The following RNLS variants were observed in gnomAD, a reference collection of about 807,000 sequenced individuals.
RNLS encodes the protein renalase, FAD dependent amine oxidase.
In RNLS, 39 loss-of-function variants were observed where a neutral mutation model predicts 39.8. The ratio of observed to expected loss-of-function variants is 0.98; its 90% CI spans 0.76 to 1.28. The LOEUF is 1.28. RNLS is among the 50% of genes most tolerant of loss of function. The probability of loss-of-function intolerance (pLI) is 0.00; values close to 1 mark genes in which losing one functional copy is unlikely to be tolerated. For synonymous variants in RNLS, 147 were observed against 150.7 expected, an observed-to-expected ratio of 0.98 and a Z score of 0.18; for missense variants, 410 against 413.3, an observed-to-expected ratio of 0.99 and a Z score of 0.07.
At chr10:88,562,055 G>A (rs1849224168) in intron 4 of RNLS, among the ~76,000 whole-genome samples, 1 of 140,650 alleles carries the variant, frequency 7.1e-6, no homozygotes, top group Non-Finnish European at 1.5e-5. Context: ...GTCCTGATGA[G>A]TATATAGGCA....
At position 88,485,576 on chromosome 10, in the gene RNLS, C is replaced by T. The variant is rs183543312; in HGVS notation, c.526+87327G>A. 6.6e-4 allele frequency among the ~76,000 whole-genome samples: 99 copies of T among 149,746 alleles called. 1 individual carries two copies. The South Asian group carries it at 7.2e-3, about 11-fold the overall frequency. ...AAAGAATTACTCCAATATTGCCATA[C>T]CAGATCACTCTTCTTTTTAGTTGTG... is the stretch of plus-strand genomic sequence containing the variant. On this transcript the variant is annotated intron_variant, in intron 4 of 6. Transcript: ENST00000331772.
chr10:88,241,438 A>T, the RNLS span, among the ~76,000 whole-genome samples: 1 of 152,202 alleles, frequency 6.6e-6, no homozygotes, highest in African/African-American at 2.4e-5. Flanking sequence ...ATATTGGCCT[A>T]AAGTTGTTCA....
chr10:88,306,336 C>A (rs76862938), intron 6 of RNLS, among the ~76,000 whole-genome samples: 1,983 of 152,070 alleles, frequency 0.013, 27 homozygotes, highest in South Asian at 0.049. Flanking sequence ...CAGTGCTGAA[C>A]TGAAAGAGAT....
At chr10:88,364,873 T>G (rs1449132487) in intron 4 of RNLS, among the ~76,000 whole-genome samples, 2 of 152,134 alleles carry the variant, frequency 1.3e-5, no homozygotes, top group African/African-American at 4.8e-5. Context: ...TGCTAGCAGC[T>G]GAGCACATAA....
chr10:88,575,159 T>TATATATATACACACAC (rs1386414416), intron 3 of RNLS, among the ~76,000 whole-genome samples: 1 of 43,388 alleles, frequency 2.3e-5, no homozygotes, highest in African/African-American at 8.7e-5. Context: ...TATATATATA[T>TATATATATACACACAC]ACACACACAC....
chr10:88,345,228 C>T (rs1848229127), intron 5 of RNLS, among the ~76,000 whole-genome samples: 1 of 152,074 alleles, frequency 6.6e-6, no homozygotes, highest in East Asian at 1.9e-4. Flanking sequence ...AAGTGATTTC[C>T]TGTGGTGAGA....
At position 88,354,015 on chromosome 10, in the gene RNLS, A is replaced by T. The variant is rs538976124; in HGVS notation, c.700+8537T>A. Among the ~76,000 whole-genome samples the T allele has an allele frequency of 1.1e-4, 16 of 152,298 alleles. No individual in the cohort carries two copies. The East Asian group carries it at 3.1e-3, about 29-fold the overall frequency. ...TTGTTGGTTTAAAGTCTGTTTTATCAGAGACTAGGATTGCAACCCCTGCCT... is the reference window on the plus strand; with the variant it reads ...TTGTTGGTTTAAAGTCTGTTTTATCTGAGACTAGGATTGCAACCCCTGCCT... On this transcript the variant is annotated intron_variant, in intron 5 of 6. Coordinates refer to ENST00000331772, the MANE Select transcript of RNLS (RefSeq NM_001031709.3).
At chr10:88,301,825 A>G (rs569289178) in intron 6 of RNLS, among the ~76,000 whole-genome samples, 1 of 152,212 alleles carries the variant, frequency 6.6e-6, no homozygotes, top group Non-Finnish European at 1.5e-5. Context: ...AGAGAAGAGA[A>G]AAGAGATAAA....
At chr10:88,480,487 C>G (rs1466674813) in intron 4 of RNLS, among the ~76,000 whole-genome samples, 1 of 152,168 alleles carries the variant, frequency 6.6e-6, no homozygotes, top group Non-Finnish European at 1.5e-5. Flanking sequence ...AATGGTGCAA[C>G]CTTGGCTCAC....
chr10:88,299,211 A>C (rs1844324910), intron 6 of RNLS, among the ~76,000 whole-genome samples: 2 of 152,186 alleles, frequency 1.3e-5, no homozygotes. Flanking sequence ...ATTTTCTCCA[A>C]GTCTGTGGCT....
chr10:88,466,860 A>G (rs1163907636), intron 4 of RNLS, among the ~76,000 whole-genome samples: 1 of 152,198 alleles, frequency 6.6e-6, no homozygotes, highest in Non-Finnish European at 1.5e-5. Flanking sequence ...TGGATGCTTC[A>G]TTCTTTTTAA....
At chr10:88,537,679 G>A (rs754044046) in intron 4 of RNLS, among the ~76,000 whole-genome samples, 1 of 152,210 alleles carries the variant, frequency 6.6e-6, no homozygotes, top group South Asian at 2.1e-4. Flanking sequence ...CAGAAGTCTG[G>A]GTAATGGCTA....
At chr10:88,414,610 A>G (rs540422790) in intron 4 of RNLS, among the ~76,000 whole-genome samples, 2 of 152,300 alleles carry the variant, frequency 1.3e-5, no homozygotes, top group African/African-American at 2.4e-5. Context: ...GGCCCTTTTG[A>G]AGTTAACAAT....
chr10:88,354,169 A>C (rs1848956639), intron 5 of RNLS, among the ~76,000 whole-genome samples: 1 of 152,138 alleles, frequency 6.6e-6, no homozygotes, highest in Non-Finnish European at 1.5e-5. Flanking sequence ...CTCTTTATCC[A>C]ATTTGCCAGT....
At chr10:88,360,636 T>C (rs543042819) in intron 5 of RNLS, among the ~76,000 whole-genome samples, 1 of 152,000 alleles carries the variant, frequency 6.6e-6, no homozygotes, top group Non-Finnish European at 1.5e-5. Flanking sequence ...TAGGGTTTCA[T>C]TACATTGGCC....
chr10:88,401,639 T>C (rs1365830163), intron 4 of RNLS, among the ~76,000 whole-genome samples: 2 of 152,042 alleles, frequency 1.3e-5, no homozygotes, highest in Non-Finnish European at 2.9e-5. Flanking sequence ...TTATATCATC[T>C]TTTTGTTGTT....
intron 4 of RNLS, among the ~76,000 whole-genome samples, chr10:88,432,459 T>C (rs1328309614): frequency 1.3e-5 from 2 of 151,962 alleles, no homozygotes; most frequent in South Asian, 2.1e-4. Context: ...CTTACATTTA[T>C]TGTCATTGTT....
intron 5 of RNLS, among the ~76,000 whole-genome samples, chr10:88,338,605 C>T (rs1269239096): frequency 6.6e-6 from 1 of 152,320 alleles, no homozygotes; most frequent in East Asian, 1.9e-4. Flanking sequence ...AATAACATTA[C>T]TCTTGCTCAC....
At chr10:88,476,880 G>A (rs1041848380) in intron 4 of RNLS, among the ~76,000 whole-genome samples, 1 of 152,152 alleles carries the variant, frequency 6.6e-6, no homozygotes, top group Non-Finnish European at 1.5e-5. Context: ...AAACAGCAAA[G>A]TCAATGTTGT....
Sources: allele counts gnomAD v4.1 joint callset (sites outside exome capture counted in the v4.1 genomes callset), GRCh38; gene constraint gnomAD v4.1.1; transcripts MANE v1.5; gene names NCBI Gene and HGNC (gene_info 2026-07-23, HGNC 2026-07-21).